Variants in PARP11 observed in about 807,000 individuals in gnomAD.
PARP11 encodes protein mono-ADP-ribosyltransferase PARP11.
In PARP11, 31 loss-of-function variants were observed where a neutral mutation model predicts 42.9. The observed-to-expected ratio is 0.72, with a 90% confidence interval of 0.54 to 0.98. The LOEUF is 0.98. Among genes scored for constraint, PARP11 ranks in the 50% least tolerant of loss-of-function variants. The pLI, the probability that PARP11 is intolerant of heterozygous loss-of-function variation, is 0.00. For synonymous variants in PARP11, 137 were observed against 127.3 expected, an observed-to-expected ratio of 1.08 and a Z score of -0.51; for missense variants, 365 against 413.1, an observed-to-expected ratio of 0.88 and a Z score of 1.01.
chr12:3,860,901 C>G (rs1019298373), intron 1 of PARP11, among the ~76,000 whole-genome samples: 2 of 152,178 alleles, frequency 1.3e-5, no homozygotes, highest in Admixed American at 6.5e-5. Flanking sequence ...TGGTCTTCAA[C>G]TCCTGGCCTC....
intron 6 of PARP11, among the ~76,000 whole-genome samples, chr12:3,814,657 A>G (rs987752847): frequency 6.6e-6 from 1 of 152,186 alleles, no homozygotes; most frequent in African/African-American, 2.4e-5. Context: ...GTTGGGAGGG[A>G]CATTAAGCCA....
chr12:3,873,158 C>T, intron 1 of PARP11, 54 bp downstream of exon 1: 1 of 1,418,566 alleles, frequency 7.0e-7, no homozygotes, highest in Non-Finnish European at 9.7e-7. Context: ...CCCTCCCGCC[C>T]CTCTCTCATC....
At chr12:3,817,553 T>C (rs1192475160) in intron 6 of PARP11, among the ~76,000 whole-genome samples, 1 of 152,172 alleles carries the variant, frequency 6.6e-6, no homozygotes, top group Admixed American at 6.5e-5. Context: ...TGAACTTTAG[T>C]TACATCTGCA....
chr12:3,863,182 TAG>T (rs1288206406), intron 1 of PARP11, among the ~76,000 whole-genome samples: 1 of 152,244 alleles, frequency 6.6e-6, no homozygotes, highest in African/African-American at 2.4e-5. Flanking sequence ...TGCTACTGTA[TAG>T]AGATACATTG....
chr12:3,811,053 A>G lies in PARP11; in HGVS notation c.*1070T>C, dbSNP rs1335796710. 1.3e-5 allele frequency: 2 copies of G among 152,222 alleles called. No individual in the cohort carries two copies. Among genetic ancestry groups the G allele is most frequent in the African/African-American group, 4.8e-5 (2 of 41,450 alleles). The allele number at this position is 152,222 out of a possible 1,614,324, so 9.4% of individuals were successfully genotyped here. ...AACAGCAAAACAGATGGAACAGGTAAACAAATTTCCACTAAACATGATTAA... is the reference window on the plus strand; with the variant it reads ...AACAGCAAAACAGATGGAACAGGTAGACAAATTTCCACTAAACATGATTAA... On this transcript the variant is annotated 3_prime_UTR_variant, in exon 8 of 8. Coordinates refer to ENST00000228820, the MANE Select transcript of PARP11 (RefSeq NM_020367.6).
At chr12:3,848,723 G>A (rs1353470401) in intron 1 of PARP11, among the ~76,000 whole-genome samples, 1 of 152,008 alleles carries the variant, frequency 6.6e-6, no homozygotes, top group African/African-American at 2.4e-5. Flanking sequence ...AAACACTGGG[G>A]AAATAAGAAC....
intron 6 of PARP11, among the ~76,000 whole-genome samples, chr12:3,819,434 A>T (rs1008733094): frequency 6.6e-6 from 1 of 152,176 alleles, no homozygotes. Context: ...TGTGTCATGC[A>T]TTGTAGGATG....
At chr12:3,852,083 C>T (rs564290136) in intron 1 of PARP11, among the ~76,000 whole-genome samples, 8 of 152,156 alleles carry the variant, frequency 5.3e-5, no homozygotes, top group Non-Finnish European at 1.2e-4. Flanking sequence ...AAAGGAATAG[C>T]ATCAACACCA....
rs773491295 is a variant in PARP11, at chr12:3,829,953, G to A, written c.84C>T (p.Asp28=). The A allele has an allele frequency of 3.1e-6, 5 of 1,613,450 alleles. No individual in the cohort carries two copies. Among genetic ancestry groups the A allele is most frequent in the Middle Eastern group, 1.7e-4 (1 of 6,060 alleles). ...ACCAGCCCCACTGGGTATCTGACGTGTCCATGTCATCCACTTCATTGTTTG... is the reference window on the plus strand; with the variant it reads ...ACCAGCCCCACTGGGTATCTGACGTATCCATGTCATCCACTTCATTGTTTG... ...KTTNNEVDDM[D]TSDTQWGWFY... is the part of the protein sequence containing the mutation. The change falls in exon 2 of 8, where the codon GAC becomes GAT. Residue 28 remains aspartate (D), a synonymous_variant. Transcript: ENST00000228820.
intron 6 of PARP11, among the ~76,000 whole-genome samples, chr12:3,820,672 A>C (rs1458579128): frequency 6.6e-6 from 1 of 152,212 alleles, no homozygotes; most frequent in East Asian, 1.9e-4. Context: ...ACTATTTCAG[A>C]AAAACTTACT....
At position 3,812,208 on chromosome 12, in the gene PARP11, C is replaced by G. The variant is rs368758168; in HGVS notation, c.932G>C (p.Cys311Ser). The G allele has an allele frequency of 1.9e-6, 3 of 1,614,004 alleles. No individual in the cohort carries two copies. The African/African-American group carries it at 4.0e-5, about 22-fold the overall frequency. Reference sequence around the variant, plus strand: ...CTTTGGGTTCCAGGTATCATCCACACAGCTGTCATATAAATTCACATAGCT... The same window carrying G: ...CTTTGGGTTCCAGGTATCATCCACAGAGCTGTCATATAAATTCACATAGCT... The part of the protein sequence containing the change: ...DGSYVNLYDS[C>S]VDDTWNPKIF... The change falls in exon 8 of 8, where the codon TGT becomes TCT. Residue 311 changes from cysteine to serine, a missense_variant. By Grantham distance (112) the Cys-to-Ser change is moderately radical (BLOSUM62 -1). Transcript: ENST00000228820.
Position 3,823,847 on chromosome 12 carries a change from C to T in PARP11, c.345-1690G>A, listed in dbSNP as rs769687921. Among the ~76,000 whole-genome samples the T allele has an allele frequency of 4.7e-5, 7 of 149,582 alleles. No homozygotes were observed. In the East Asian group the frequency reaches 9.8e-4, roughly 21 times the overall value. On this transcript the variant is annotated intron_variant, in intron 4 of 7. Coordinates refer to ENST00000228820, the MANE Select transcript of PARP11 (RefSeq NM_020367.6). The stretch of plus-strand genomic sequence containing the variant: ...AGGAGAATCACTTGAACCTGGGAGG[C>T]GGAGGCTGCAGTGAGCCAAGATGGC...
chr12:3,851,768 G>A (rs1591530641), intron 1 of PARP11, among the ~76,000 whole-genome samples: 1 of 152,336 alleles, frequency 6.6e-6, no homozygotes, highest in Non-Finnish European at 1.5e-5. Flanking sequence ...GGTTCTCCCA[G>A]CACAGTGTTT....
chr12:3,827,367 T>C (rs1158554919), intron 3 of PARP11, among the ~76,000 whole-genome samples: 1 of 152,212 alleles, frequency 6.6e-6, no homozygotes, highest in Non-Finnish European at 1.5e-5. Flanking sequence ...CCAAAAAGTG[T>C]AGTCTACTAA....
chr12:3,844,060 G>A (rs1947948293), intron 1 of PARP11, among the ~76,000 whole-genome samples: 1 of 152,168 alleles, frequency 6.6e-6, no homozygotes, highest in South Asian at 2.1e-4. Context: ...GGGAATGTTT[G>A]GATGCCAGCT....
intron 6 of PARP11, among the ~76,000 whole-genome samples, chr12:3,816,364 A>G (rs1591758100): frequency 6.6e-6 from 1 of 152,238 alleles, no homozygotes; most frequent in Non-Finnish European, 1.5e-5. Flanking sequence ...ATTTCTGATA[A>G]AAATTTTGAA....
At chr12:3,873,123 G>T in intron 1 of PARP11, 89 bp downstream of exon 1, 1 of 1,230,508 alleles carries the variant, frequency 8.1e-7, no homozygotes, top group Non-Finnish European at 1.2e-6. Flanking sequence ...ACTGAAGCGA[G>T]CGCGGGGAAG....
At chr12:3,843,799 T>G (rs539179471) in intron 1 of PARP11, among the ~76,000 whole-genome samples, 1 of 152,340 alleles carries the variant, frequency 6.6e-6, no homozygotes. Flanking sequence ...TAGCTTATAT[T>G]CCTTATTTGT....
At chr12:3,853,709 A>T (rs1437140884) in intron 1 of PARP11, among the ~76,000 whole-genome samples, 1 of 152,232 alleles carries the variant, frequency 6.6e-6, no homozygotes, top group African/African-American at 2.4e-5. Context: ...CCCCACTGTC[A>T]ATATTAGATA....
Sources: gnomAD v4.1 joint callset for allele counts (sites outside exome capture counted in the v4.1 genomes callset) on GRCh38, gnomAD v4.1.1 for gene constraint, MANE v1.5 for transcripts, NCBI Gene and HGNC (gene_info 2026-07-23, HGNC 2026-07-21) for gene names.